Variants in ZNF423 observed in about 807,000 individuals in gnomAD.
ZNF423 encodes the protein Ebf-associated zinc finger protein.
ZNF423 carries 12 observed loss-of-function variants against 95.8 expected under a neutral mutation model. That is an observed-to-expected ratio of 0.13 (90% CI 0.08 to 0.20). The LOEUF (loss-of-function observed/expected upper bound fraction) is 0.20. ZNF423 is among the 10% of genes least tolerant of loss of function. The pLI is 1.00. For missense variants in ZNF423, 1,316 were observed against 1,737.1 expected (o/e 0.76, Z 4.31); for synonymous variants, 749 against 711.9 (o/e 1.05, Z -0.83).
chr16:49,642,282 C>T (rs1046131460), intron 3 of ZNF423, among the ~76,000 whole-genome samples: 2 of 152,140 alleles, frequency 1.3e-5, no homozygotes, highest in Non-Finnish European at 2.9e-5. Flanking sequence ...GCCAGATGCC[C>T]CATTTAGTGT....
chr16:49,572,028 T>C (rs1489515949), intron 5 of ZNF423, among the ~76,000 whole-genome samples: 2 of 152,322 alleles, frequency 1.3e-5, no homozygotes, highest in African/African-American at 4.8e-5. Flanking sequence ...GCAAACAACA[T>C]TCAAGGCCTT....
chr16:49,590,316 G>A (rs1272406683), intron 5 of ZNF423, among the ~76,000 whole-genome samples: 3 of 151,972 alleles, frequency 2.0e-5, no homozygotes, highest in Non-Finnish European at 4.4e-5. Context: ...CTGGACTCCC[G>A]TTTGGCACTG....
At chr16:49,695,846 C>A (rs531262763) in intron 3 of ZNF423, among the ~76,000 whole-genome samples, 17 of 152,356 alleles carry the variant, frequency 1.1e-4, no homozygotes, top group Admixed American at 4.6e-4. Flanking sequence ...ACAGCTACTA[C>A]TGAGTGCTTG....
In ZNF423 at chr16:49,733,792, C is replaced by G. The variant is rs1344037731; in HGVS notation, c.101-2821G>C. On this transcript the variant is annotated intron_variant, in intron 2 of 7. Coordinates refer to ENST00000563137, the MANE Select transcript of ZNF423 (RefSeq NM_001379286.1). ...TTGGGGAGTGGGACTTCCCTGAAGA[C>G]CCAAGGGCCCCTCTGCTGATTCAGC... is the stretch of plus-strand genomic sequence containing the variant. Among the ~76,000 whole-genome samples the G allele has an allele frequency of 5.3e-5, 8 of 152,270 alleles. No homozygotes were observed. The East Asian group carries it at 1.2e-3, about 22-fold the overall frequency.
chr16:49,850,916 AG>A (rs1463896589), intron 1 of ZNF423, among the ~76,000 whole-genome samples: 1 of 152,166 alleles, frequency 6.6e-6, no homozygotes, highest in Non-Finnish European at 1.5e-5. Context: ...CAGGCTTGAC[AG>A]AGCCACTGGT....
chr16:49,765,352 C>G (rs1192087754), intron 2 of ZNF423, among the ~76,000 whole-genome samples: 1 of 152,044 alleles, frequency 6.6e-6, no homozygotes, highest in Non-Finnish European at 1.5e-5. Context: ...TACTGTAACG[C>G]CACTGAACTG....
intron 5 of ZNF423, among the ~76,000 whole-genome samples, chr16:49,602,013 C>A (rs150668424): frequency 6.6e-6 from 1 of 152,208 alleles, no homozygotes; most frequent in African/African-American, 2.4e-5. Flanking sequence ...AACTCTGGTC[C>A]CAGCACTGGG....
Position 49,635,905 on chromosome 16 carries a change from C to G in ZNF423, c.3271G>C (p.Asp1091His). The change falls in exon 4 of 8, where the codon GAC becomes CAC. Residue 1091 changes from aspartate (D) to histidine (H), a missense_variant. Around this residue, in one of 6 missense-constraint regions of ZNF423, gnomAD observed 620 missense variants for 775.6 expected, o/e 0.80. Transcript: ENST00000563137. This position sits in a 1 kb window ranked among gnomAD's most constrained non-coding sequence, Gnocchi z 4.8. Reference sequence around the variant, plus strand: ...AGGCCGTAGGGCAGCCCATTGACGTCAAGCTTCACCAGGTCCTGCTTGCTG... The same window carrying G: ...AGGCCGTAGGGCAGCCCATTGACGTGAAGCTTCACCAGGTCCTGCTTGCTG... ...FRSKQDLVKL[D>H]VNGLPYGLCA... 1.9e-6 allele frequency: 3 copies of G among 1,581,964 alleles called. No individual in the cohort carries two copies. Among genetic ancestry groups the G allele is most frequent in the Non-Finnish European group, 2.6e-6 (3 of 1,164,482 alleles).
At chr16:49,678,894 C>A (rs983947275) in intron 3 of ZNF423, among the ~76,000 whole-genome samples, 4 of 152,218 alleles carry the variant, frequency 2.6e-5, no homozygotes, top group Admixed American at 2.6e-4. Flanking sequence ...AATTCTCAAT[C>A]CATACAAATG....
chr16:49,600,448 C>T (rs541460033), intron 5 of ZNF423, among the ~76,000 whole-genome samples: 2 of 152,274 alleles, frequency 1.3e-5, no homozygotes, highest in South Asian at 4.2e-4. Flanking sequence ...TGCAGCCCTG[C>T]AGGAAGACAC....
chr16:49,795,151 C>A (rs1033474753), intron 1 of ZNF423, among the ~76,000 whole-genome samples: 4 of 152,240 alleles, frequency 2.6e-5, no homozygotes, highest in African/African-American at 9.6e-5. Context: ...GGATTACAGG[C>A]ATGAGTCACT....
intron 2 of ZNF423, among the ~76,000 whole-genome samples, chr16:49,738,784 ACTT>A (rs2033349354): frequency 6.6e-6 from 1 of 151,964 alleles, no homozygotes; most frequent in Admixed American, 6.6e-5. Context: ...CCCACCTCTC[ACTT>A]CTTCTCCCAA....
chr16:49,614,990 G>C (rs1360981651), intron 5 of ZNF423, among the ~76,000 whole-genome samples: 1 of 152,148 alleles, frequency 6.6e-6, no homozygotes, highest in Non-Finnish European at 1.5e-5. Flanking sequence ...AACTGGCCAG[G>C]TGTGGTGACG....
chr16:49,670,106 G>C (rs1467654134), intron 3 of ZNF423, among the ~76,000 whole-genome samples: 1 of 152,212 alleles, frequency 6.6e-6, no homozygotes. Flanking sequence ...GCTCACGCCA[G>C]GGCTGGATGC....
At chr16:49,829,081 T>G (rs1185638004) in intron 1 of ZNF423, among the ~76,000 whole-genome samples, 1 of 152,196 alleles carries the variant, frequency 6.6e-6, no homozygotes, top group Non-Finnish European at 1.5e-5. Context: ...CCATATCATG[T>G]GGCTGTCCCC....
At chr16:49,620,869 C>T (rs562484756) in intron 5 of ZNF423, among the ~76,000 whole-genome samples, 16 of 152,310 alleles carry the variant, frequency 1.1e-4, no homozygotes, top group African/African-American at 3.8e-4. Context: ...AGGCCCTGCC[C>T]CCCAGGGTGA....
intron 2 of ZNF423, among the ~76,000 whole-genome samples, chr16:49,751,001 C>T (rs1367151920): frequency 6.6e-6 from 1 of 152,088 alleles, no homozygotes; most frequent in East Asian, 1.9e-4. Context: ...GGCCCGACGG[C>T]GACGAAAGGC....
At chr16:49,630,589 C>A (rs1447507691) in intron 4 of ZNF423, among the ~76,000 whole-genome samples, 1 of 152,122 alleles carries the variant, frequency 6.6e-6, no homozygotes, top group Non-Finnish European at 1.5e-5. Context: ...CACGTCCCCC[C>A]TCCAAGGATG....
At chr16:49,680,256 C>T (rs193120746) in intron 3 of ZNF423, among the ~76,000 whole-genome samples, 10 of 152,304 alleles carry the variant, frequency 6.6e-5, no homozygotes, top group African/African-American at 1.7e-4. Flanking sequence ...ACTTGTTGGG[C>T]GACCTGCCCA....
Sources: gnomAD v4.1 joint callset for allele counts (sites outside exome capture counted in the v4.1 genomes callset) on GRCh38, gnomAD v4.1.1 for gene constraint, gnomAD v4.1.1 regional missense constraint, Gnocchi (gnomAD v3.1) non-coding constraint, MANE v1.5 for transcripts, NCBI Gene and HGNC (gene_info 2026-07-23, HGNC 2026-07-21) for gene names.